The following ANXA2 variants were observed in gnomAD, a reference collection of about 807,000 sequenced individuals.
The protein encoded by ANXA2 is annexin A2, also known as annexin II.
A neutral mutation model predicts 47.3 loss-of-function variants in ANXA2; 28 were observed. That is an observed-to-expected ratio of 0.59 (90% confidence interval 0.44 to 0.81). The LOEUF is 0.81. Ranked by LOEUF, ANXA2 falls within the 40% of genes least tolerant of loss-of-function variation. The pLI, the probability that ANXA2 is intolerant of heterozygous loss-of-function variation, is 0.00. For synonymous variants in ANXA2, 172 were observed against 155.5 expected, an observed-to-expected ratio of 1.11 and a Z score of -0.79; for missense variants, 384 against 414.3, an observed-to-expected ratio of 0.93 and a Z score of 0.64.
intron 1 of ANXA2, chr15:60,391,046 A>T (rs773212877): frequency 6.6e-6 from 1 of 152,368 alleles, no homozygotes; most frequent in East Asian, 1.9e-4. Flanking sequence ...AGCCTGCACT[A>T]TATTAAAGGA....
intron 4 of ANXA2, among the ~76,000 whole-genome samples, 171 bp downstream of exon 4, chr15:60,364,258 A>G (rs927062677): frequency 4.6e-5 from 7 of 152,250 alleles, no homozygotes; most frequent in African/African-American, 1.7e-4. Context: ...GCACACACGC[A>G]CACACACATG....
chr15:60,390,538 G>A (rs950646365), intron 1 of ANXA2: 5 of 464,714 alleles, frequency 1.1e-5, no homozygotes, highest in Admixed American at 2.3e-5. Context: ...TCTGGAAAAC[G>A]GGTAAAATTA....
At chr15:60,353,351 C>G (rs1383162862) in intron 8 of ANXA2, among the ~76,000 whole-genome samples, 8 of 152,164 alleles carry the variant, frequency 5.3e-5, no homozygotes, top group Non-Finnish European at 1.0e-4. Flanking sequence ...TTCTCCCCCA[C>G]CACAACAGAG....
At chr15:60,392,938 A>T in intron 1 of ANXA2, 1 of 999,614 alleles carries the variant, frequency 1.0e-6, no homozygotes, top group Non-Finnish European at 1.2e-6. Context: ...CTGGAATTTT[A>T]AACTAAAAAA....
intron 6 of ANXA2, 75 bp downstream of exon 6, chr15:60,357,071 C>T: frequency 7.2e-7 from 1 of 1,387,848 alleles, no homozygotes; most frequent in Non-Finnish European, 1.0e-6. Flanking sequence ...TTAGCCCGAA[C>T]CCTAACCCCA....
chr15:60,354,825 T>C (rs913770626), intron 7 of ANXA2, among the ~76,000 whole-genome samples: 2 of 152,026 alleles, frequency 1.3e-5, no homozygotes, highest in Admixed American at 6.6e-5. Context: ...TAGCTCTTTC[T>C]CACAGAGAGC....
intron 3 of ANXA2, among the ~76,000 whole-genome samples, chr15:60,366,339 G>C (rs1344168720): frequency 6.8e-6 from 1 of 146,488 alleles, no homozygotes; most frequent in Non-Finnish European, 1.5e-5. Flanking sequence ...CCTCTGCCTG[G>C]CTGCCCAGTC....
intron 12 of ANXA2, 134 bp from the exon 13 acceptor site, chr15:60,347,823 T>A (rs970707891): frequency 5.1e-6 from 4 of 788,170 alleles, no homozygotes; most frequent in African/African-American, 1.7e-5. Context: ...AGACCTGCCC[T>A]GATACAAAGG....
Position 60,357,330 on chromosome 15 carries a change from T to C in ANXA2, c.358-94A>G, listed in dbSNP as rs951634493. The C allele has an allele frequency of 5.9e-6, 6 of 1,016,362 alleles. No individual in the cohort carries two copies. In the East Asian group the frequency reaches 9.8e-5, roughly 17 times the overall value. 63.0% of individuals were successfully genotyped at this position (1,016,362 alleles called of 1,614,324 possible). A position where few individuals can be genotyped will look rare whatever the true frequency, so the allele number is the denominator to read the frequency against. On this transcript the variant is annotated intron_variant, in intron 5 of 12. Coordinates refer to ENST00000451270, the MANE Select transcript of ANXA2 (RefSeq NM_004039.3). ...CCATCAAGTAAATTGCAAACATGGA[T>C]TGGGTCTGTTAGCATCCTGCTTTCT...
intron 3 of ANXA2, among the ~76,000 whole-genome samples, chr15:60,371,866 C>A (rs1044025364): frequency 1.3e-5 from 2 of 152,116 alleles, no homozygotes; most frequent in African/African-American, 2.4e-5. Flanking sequence ...TAATAGTAAC[C>A]TTTTGCCGGG....
At chr15:60,369,561 C>G (rs1227025771) in intron 3 of ANXA2, among the ~76,000 whole-genome samples, 2 of 152,214 alleles carry the variant, frequency 1.3e-5, no homozygotes, top group Non-Finnish European at 2.9e-5. Context: ...AATGCAAAGT[C>G]TGTGTTTGGG....
intron 3 of ANXA2, among the ~76,000 whole-genome samples, chr15:60,374,127 T>C (rs2062746263): frequency 6.6e-6 from 1 of 152,220 alleles, no homozygotes; most frequent in Admixed American, 6.5e-5. Context: ...TTTCTTCTAT[T>C]TCCATTCTGC....
In ANXA2 at chr15:60,351,208, C is replaced by G; in HGVS notation, c.822G>C (p.Leu274=). 1.9e-6 allele frequency: 3 copies of G among 1,614,196 alleles called. No individual in the cohort carries two copies. The highest frequency in any genetic ancestry group is 1.1e-5 in the South Asian group (1 of 91,084). ...QNKPLYFADR[L]YDSMKGKGTR... ...CTGCCCTTACCTTCATGGAGTCATA[C>G]AGCCGATCAGCAAAATACAGGGGCT... The change falls in exon 11 of 13, where the codon CTG becomes CTC. Residue 274 remains leucine (L), a synonymous_variant. Transcript: ENST00000451270.
chr15:60,395,445 C>T (rs1226669673), intron 1 of ANXA2, among the ~76,000 whole-genome samples: 2 of 152,150 alleles, frequency 1.3e-5, no homozygotes, highest in Non-Finnish European at 2.9e-5. Flanking sequence ...AATGTCTCCG[C>T]AGGCTCCAGG....
chr15:60,365,256 T>C (rs1360234200), intron 3 of ANXA2, among the ~76,000 whole-genome samples: 2 of 152,064 alleles, frequency 1.3e-5, no homozygotes, highest in African/African-American at 4.8e-5. Flanking sequence ...AATATTTTAG[T>C]ACCTATTTTA....
At chr15:60,392,191 C>T (rs575864460) in intron 1 of ANXA2, among the ~76,000 whole-genome samples, 1 of 152,162 alleles carries the variant, frequency 6.6e-6, no homozygotes, top group Non-Finnish European at 1.5e-5. Context: ...CTTGAAAAGG[C>T]TGATAAATGA....
At chr15:60,382,492 T>C (rs781409432) in intron 2 of ANXA2, 51 bp from the exon 3 acceptor site, 5 of 1,321,374 alleles carry the variant, frequency 3.8e-6, no homozygotes, top group Non-Finnish European at 5.4e-6. Context: ...AAAATCCTCT[T>C]GTTGAAATAA....
At chr15:60,354,315 A>G (rs2062392194) in intron 7 of ANXA2, 102 bp from the exon 8 acceptor site, 1 of 958,020 alleles carries the variant, frequency 1.0e-6, no homozygotes. Flanking sequence ...TAATTTCCTA[A>G]ATAAGTAACC....
chr15:60,393,584 A>C, intron 1 of ANXA2: 1 of 985,458 alleles, frequency 1.0e-6, no homozygotes, highest in African/African-American at 1.7e-5. Context: ...CTCTTCTCCA[A>C]ACACGCTCAG....
Sources: gnomAD v4.1 joint callset for allele counts (sites outside exome capture counted in the v4.1 genomes callset) on GRCh38, gnomAD v4.1.1 for gene constraint, MANE v1.5 for transcripts, NCBI Gene and HGNC (gene_info 2026-07-23, HGNC 2026-07-21) for gene names.